CSMD1: variants seen among roughly 807,000 people sequenced by gnomAD.
CSMD1 encodes the protein CUB and Sushi multiple domains 1, also known as CUB and sushi domain-containing protein 1.
CSMD1 carries 213 observed loss-of-function variants against 417.5 expected under a neutral mutation model. That is an observed-to-expected ratio of 0.51 (90% confidence interval 0.46 to 0.57). CSMD1 has a LOEUF of 0.57. CSMD1 is among the 20% of genes least tolerant of loss of function. The pLI is 0.00. For missense variants in CSMD1, 6,923 were observed against 4,529.7 expected (o/e 1.53, Z -15.17); for synonymous variants, 2,862 against 1,736.8 (o/e 1.65, Z -16.11).
intron 6 of CSMD1, among the ~76,000 whole-genome samples, chr8:3,749,328 C>T (rs1484566306): frequency 2.0e-5 from 3 of 152,110 alleles, no homozygotes; most frequent in Non-Finnish European, 2.9e-5. Context: ...TTTTCCCCTG[C>T]GTTTTCTACT....
chr8:4,082,759 C>T (rs898182612), intron 3 of CSMD1, among the ~76,000 whole-genome samples: 4 of 108,240 alleles, frequency 3.7e-5, no homozygotes, highest in Admixed American at 1.2e-4. Flanking sequence ...TGCTATCCCT[C>T]CCCCCTCCCC....
At chr8:4,731,381 T>C (rs78531223) in intron 1 of CSMD1, among the ~76,000 whole-genome samples, 3,514 of 152,152 alleles carry the variant, frequency 0.023, 134 homozygotes, top group African/African-American at 0.08. Context: ...TGTGACACAT[T>C]CCCCCACCTG....
At chr8:3,065,303 G>GA in intron 49 of CSMD1, among the ~76,000 whole-genome samples, 1 of 149,384 alleles carries the variant, frequency 6.7e-6, no homozygotes, top group South Asian at 2.1e-4. Flanking sequence ...AGATAGATAG[G>GA]TAGATAGATA....
At chr8:3,470,209 T>C in intron 11 of CSMD1, among the ~76,000 whole-genome samples, 1 of 152,200 alleles carries the variant, frequency 6.6e-6, no homozygotes. Flanking sequence ...ATACTATATA[T>C]AACATTTTGT....
At chr8:3,948,947 T>C (rs1035051034) in intron 5 of CSMD1, among the ~76,000 whole-genome samples, 1 of 152,122 alleles carries the variant, frequency 6.6e-6, no homozygotes, top group South Asian at 2.1e-4. Context: ...TAACTGAGGA[T>C]GGGCTACTGG....
At chr8:4,745,732 G>C (rs146451386) in intron 1 of CSMD1, among the ~76,000 whole-genome samples, 2 of 152,118 alleles carry the variant, frequency 1.3e-5, no homozygotes, top group Non-Finnish European at 2.9e-5. Context: ...TACTTTAATG[G>C]AGTAACACTC....
chr8:3,326,184 G>A (rs777564361), intron 23 of CSMD1, among the ~76,000 whole-genome samples: 12 of 152,108 alleles, frequency 7.9e-5, no homozygotes, highest in Middle Eastern at 3.2e-3. Flanking sequence ...TTCCGTCTTC[G>A]CGATGATATA....
chr8:3,720,676 G>A (rs933534828), intron 6 of CSMD1, among the ~76,000 whole-genome samples: 3 of 144,234 alleles, frequency 2.1e-5, no homozygotes, highest in African/African-American at 8.0e-5. Context: ...TCTCCTTCAT[G>A]ACCCATGGGA....
At chr8:4,477,199 G>C (rs1169947799) in intron 2 of CSMD1, among the ~76,000 whole-genome samples, 2 of 152,186 alleles carry the variant, frequency 1.3e-5, no homozygotes, top group Non-Finnish European at 2.9e-5. Context: ...CTCCAGCTGA[G>C]CCCAGCCCAG....
intron 52 of CSMD1, 94 bp downstream of exon 52, chr8:3,018,383 G>C (rs1809044645): frequency 1.7e-5 from 19 of 1,140,424 alleles, no homozygotes; most frequent in Non-Finnish European, 2.3e-5. Context: ...AGGATTTAAG[G>C]CATTATAGCA....
At chr8:3,511,213 T>G (rs917800151) in intron 10 of CSMD1, among the ~76,000 whole-genome samples, 5 of 151,572 alleles carry the variant, frequency 3.3e-5, no homozygotes. Flanking sequence ...GGGAATATCA[T>G]ACACCAGGGC....
At chr8:3,353,122 G>T (rs77464148) in intron 21 of CSMD1, among the ~76,000 whole-genome samples, 1 of 152,166 alleles carries the variant, frequency 6.6e-6, no homozygotes, top group East Asian at 1.9e-4. Flanking sequence ...CCTATTGGCA[G>T]ATAGGAAATA....
chr8:4,782,466 A>T (rs1048264797), intron 1 of CSMD1, among the ~76,000 whole-genome samples: 1 of 152,204 alleles, frequency 6.6e-6, no homozygotes, highest in Non-Finnish European at 1.5e-5. Context: ...AACACTTTAG[A>T]TTTAAAGAAA....
At chr8:4,064,519 C>A (rs773308161) in intron 3 of CSMD1, among the ~76,000 whole-genome samples, 7 of 152,202 alleles carry the variant, frequency 4.6e-5, no homozygotes, top group Non-Finnish European at 1.0e-4. Context: ...GGATAACATC[C>A]AAGTGAAGCC....
intron 3 of CSMD1, among the ~76,000 whole-genome samples, chr8:4,291,815 G>C (rs529696404): frequency 3.3e-5 from 5 of 152,282 alleles, no homozygotes; most frequent in African/African-American, 1.2e-4. Context: ...GTTCTGAAAT[G>C]TCATGTAAAC....
intron 10 of CSMD1, among the ~76,000 whole-genome samples, chr8:3,535,587 T>C (rs755199326): frequency 5.9e-5 from 9 of 152,132 alleles, no homozygotes; most frequent in Non-Finnish European, 1.3e-4. Context: ...AATTACTTAA[T>C]GAGAAATAAC....
chr8:3,459,255 T>C (rs955577679), intron 12 of CSMD1, among the ~76,000 whole-genome samples: 1 of 152,132 alleles, frequency 6.6e-6, no homozygotes, highest in Non-Finnish European at 1.5e-5. Context: ...AGAGGCTGAC[T>C]CATGGACCAG....
intron 5 of CSMD1, among the ~76,000 whole-genome samples, chr8:3,768,425 T>C (rs535206574): frequency 1.3e-5 from 2 of 152,314 alleles, no homozygotes; most frequent in East Asian, 1.9e-4. Context: ...TATAAATGTT[T>C]TAAATTGATT....
chr8:4,204,685 C>CA (rs1442790015), intron 3 of CSMD1, among the ~76,000 whole-genome samples: 1 of 152,036 alleles, frequency 6.6e-6, no homozygotes, highest in African/African-American at 2.4e-5. Context: ...GACACAGTTT[C>CA]ACTCTGTCAC....
Sources: allele counts gnomAD v4.1 joint callset (sites outside exome capture counted in the v4.1 genomes callset), GRCh38; gene constraint gnomAD v4.1.1; transcripts MANE v1.5; gene names NCBI Gene and HGNC (gene_info 2026-07-23, HGNC 2026-07-21).